The following KCNN2 variants were observed in gnomAD, a reference collection of about 807,000 sequenced individuals.
The protein encoded by KCNN2 is small conductance calcium-activated potassium channel protein 2.
In KCNN2, 24 loss-of-function variants were observed where a neutral mutation model predicts 55.5. The observed-to-expected ratio is 0.43, with a 90% CI of 0.31 to 0.61. The LOEUF is 0.61. KCNN2 is among the 20% of genes least tolerant of loss of function. The pLI is 0.08. For missense variants in KCNN2, 754 were observed against 853.6 expected (o/e 0.88, Z 1.45); for synonymous variants, 431 against 336.1 (o/e 1.28, Z -3.09).
intron 3 of KCNN2, among the ~76,000 whole-genome samples, chr5:114,422,918 ATTC>A (rs1243231672): frequency 1.3e-5 from 2 of 152,252 alleles, no homozygotes; most frequent in Non-Finnish European, 2.9e-5. Flanking sequence ...CCTTGGGGCT[ATTC>A]TTTGGCCAGA....
chr5:114,469,325 C>T (rs983738736), intron 4 of KCNN2, among the ~76,000 whole-genome samples: 1 of 152,156 alleles, frequency 6.6e-6, no homozygotes, highest in African/African-American at 2.4e-5. Flanking sequence ...GATAAACAAG[C>T]CAAGCGAAAC....
intron 2 of KCNN2, among the ~76,000 whole-genome samples, chr5:114,228,015 T>C (rs73779759): frequency 0.5 from 54,433 of 107,796 alleles, 10,405 homozygotes; most frequent in East Asian, 0.77. Context: ...ATGATGATGA[T>C]GATGATGATG....
At chr5:114,164,011 G>A (rs916739221) in intron 1 of KCNN2, among the ~76,000 whole-genome samples, 21 of 152,100 alleles carry the variant, frequency 1.4e-4, no homozygotes, top group African/African-American at 4.8e-4. Flanking sequence ...GGGGGTGGGT[G>A]TCTTCTTTTG....
In KCNN2 at chr5:114,470,995, T is replaced by C. The variant is rs1356585162; in HGVS notation, c.1780-2059T>C. Among the ~76,000 whole-genome samples, 5 of 152,256 alleles carry C rather than the reference T, an allele frequency of 3.3e-5. 1 individual carries two copies. The South Asian group carries it at 1.0e-3, about 31-fold the overall frequency. On this transcript the variant is annotated intron_variant, in intron 4 of 7. Transcript: ENST00000673685. ...TTAAAAACTACCAATTTAAAAGTTA[T>C]ACCAGTTACACAATAGGGACAATGT...
intron 1 of KCNN2, among the ~76,000 whole-genome samples, chr5:114,159,770 G>A (rs575993238): frequency 6.6e-6 from 1 of 152,284 alleles, no homozygotes; most frequent in East Asian, 1.9e-4. Context: ...ATTTCTTCTA[G>A]ATTTTCTAGT....
intron 2 of KCNN2, among the ~76,000 whole-genome samples, chr5:114,335,735 G>A (rs989167920): frequency 3.9e-5 from 6 of 152,096 alleles, no homozygotes; most frequent in Non-Finnish European, 7.4e-5. Flanking sequence ...CATGAGTGTT[G>A]CCAAAGTTTA....
intron 2 of KCNN2, among the ~76,000 whole-genome samples, chr5:114,304,236 T>C (rs1228640338): frequency 1.3e-5 from 2 of 152,134 alleles, no homozygotes; most frequent in African/African-American, 4.8e-5. Flanking sequence ...GAGGTTTTTT[T>C]CCTCCATCAG....
chr5:114,179,724 C>A (rs1170673510), intron 1 of KCNN2, among the ~76,000 whole-genome samples: 1 of 152,140 alleles, frequency 6.6e-6, no homozygotes, highest in African/African-American at 2.4e-5. Context: ...ACTAGCCACC[C>A]ATTTCCTCAC....
At chr5:114,149,022 A>G (rs114270449) in intron 1 of KCNN2, among the ~76,000 whole-genome samples, 4,692 of 152,210 alleles carry the variant, frequency 0.031, 255 homozygotes, top group African/African-American at 0.11. Context: ...TGCCAACTCT[A>G]TCCCAGTCTA....
intron 2 of KCNN2, among the ~76,000 whole-genome samples, chr5:114,277,866 A>G (rs1330573565): frequency 2.0e-5 from 3 of 152,114 alleles, no homozygotes; most frequent in Non-Finnish European, 4.4e-5. Context: ...TTCTCCATCC[A>G]GTTTTGTTCC....
intron 2 of KCNN2, among the ~76,000 whole-genome samples, chr5:114,340,846 C>T (rs1026140588): frequency 2.0e-5 from 3 of 152,270 alleles, no homozygotes; most frequent in South Asian, 4.1e-4. Flanking sequence ...CCCCATTTTC[C>T]CTTGCCTCAG....
intron 2 of KCNN2, among the ~76,000 whole-genome samples, chr5:114,305,024 G>A (rs934125357): frequency 2.6e-5 from 4 of 152,102 alleles, no homozygotes; most frequent in East Asian, 1.9e-4. Flanking sequence ...GCGTCTAATC[G>A]CAAGATGGAA....
rs542694750 is a variant in KCNN2, at chr5:114,424,036, G to C, written c.1637+19180G>C. Among the ~76,000 whole-genome samples, 38 of 152,272 alleles carry C rather than the reference G, an allele frequency of 2.5e-4. 1 individual carries two copies. The Middle Eastern group carries it at 0.01, about 41-fold the overall frequency. On this transcript the variant is annotated intron_variant, in intron 3 of 7. Coordinates refer to ENST00000673685, the MANE Select transcript of KCNN2 (RefSeq NM_021614.4). The stretch of plus-strand genomic sequence containing the variant: ...TTGGAACTGATGCATGGGAAAATAC[G>C]GAGTCTGGATTTTAGTCCATAGGTA...
At chr5:114,203,176 TTTA>T (rs943129911) in intron 1 of KCNN2, among the ~76,000 whole-genome samples, 103 of 152,292 alleles carry the variant, frequency 6.8e-4, no homozygotes, top group Middle Eastern at 3.4e-3. Context: ...TTAATTCTGT[TTTA>T]TTATTAGGTC....
At chr5:114,159,944 C>T (rs1752729402) in intron 1 of KCNN2, among the ~76,000 whole-genome samples, 1 of 152,026 alleles carries the variant, frequency 6.6e-6, no homozygotes, top group Non-Finnish European at 1.5e-5. Flanking sequence ...TTGATCGTTT[C>T]AAAAAACCAG....
intron 1 of KCNN2, among the ~76,000 whole-genome samples, chr5:114,186,165 T>TA (rs1271585255): frequency 6.6e-6 from 1 of 152,224 alleles, no homozygotes. Context: ...AAATTACACT[T>TA]TATTTCTGTG....
chr5:114,294,988 A>G (rs1419325864), intron 2 of KCNN2, among the ~76,000 whole-genome samples: 1 of 152,086 alleles, frequency 6.6e-6, no homozygotes, highest in Non-Finnish European at 1.5e-5. Flanking sequence ...AGAGACTAGG[A>G]TTGCAACCCC....
chr5:114,481,352 C>T (rs1762216684), intron 5 of KCNN2, among the ~76,000 whole-genome samples: 1 of 152,032 alleles, frequency 6.6e-6, no homozygotes, highest in South Asian at 2.1e-4. Flanking sequence ...TCAGAAAGGA[C>T]ACAAACAAAT....
At chr5:114,277,820 C>T (rs1481966128) in intron 2 of KCNN2, among the ~76,000 whole-genome samples, 3 of 152,120 alleles carry the variant, frequency 2.0e-5, no homozygotes, top group African/African-American at 2.4e-5. Flanking sequence ...TATTACCGAC[C>T]TTCTGAAGTC....
Sources: gnomAD v4.1 joint callset for allele counts (sites outside exome capture counted in the v4.1 genomes callset) on GRCh38, gnomAD v4.1.1 for gene constraint, MANE v1.5 for transcripts, NCBI Gene and HGNC (gene_info 2026-07-23, HGNC 2026-07-21) for gene names.